Variants in CIMIP5 observed in about 807,000 individuals in gnomAD.
The protein encoded by CIMIP5 is uncharacterized protein C2orf50.
chr2:11,140,126 G>A, the CIMIP5 span, among the ~76,000 whole-genome samples: 59 of 143,736 alleles, frequency 4.1e-4, 1 homozygote, highest in Non-Finnish European at 6.4e-4. Flanking sequence ...GGTGGCTCAC[G>A]CCTGTAATCC....
the CIMIP5 span, among the ~76,000 whole-genome samples, chr2:11,143,438 G>A: frequency 6.6e-6 from 1 of 152,036 alleles, no homozygotes; most frequent in East Asian, 1.9e-4. Flanking sequence ...AAAGGAGGTG[G>A]GGGAGGGGAT....
the CIMIP5 span, among the ~76,000 whole-genome samples, chr2:11,141,632 G>A: frequency 3.3e-5 from 5 of 151,948 alleles, no homozygotes; most frequent in African/African-American, 1.2e-4. Context: ...CGTTATTTTG[G>A]TATTCCATGT....
chr2:11,135,883 C>T, the CIMIP5 span, among the ~76,000 whole-genome samples: 1 of 152,052 alleles, frequency 6.6e-6, no homozygotes, highest in African/African-American at 2.4e-5. Context: ...TGATGAGTGA[C>T]ATTGATCATC....
chr2:11,140,492 C>G, the CIMIP5 span: 1 of 1,538,940 alleles, frequency 6.5e-7, no homozygotes, highest in Non-Finnish European at 8.9e-7. Context: ...ACACAGCCAA[C>G]ATGTTTTTCC....
At chr2:11,150,094 G>A in the CIMIP5 span, among the ~76,000 whole-genome samples, 17 of 149,926 alleles carry the variant, frequency 1.1e-4, no homozygotes, top group South Asian at 4.2e-4. Flanking sequence ...TTACGGGTGC[G>A]TGCCACCATG....
the CIMIP5 span, among the ~76,000 whole-genome samples, chr2:11,149,978 C>T: frequency 6.6e-6 from 1 of 152,208 alleles, no homozygotes; most frequent in African/African-American, 2.4e-5. Flanking sequence ...CGGCGTCTCA[C>T]CCCATTGCCC....
chr2:11,150,179 TC>T, the CIMIP5 span, among the ~76,000 whole-genome samples: 1 of 151,942 alleles, frequency 6.6e-6, no homozygotes, highest in East Asian at 1.9e-4. Context: ...AACCTCGTGA[TC>T]CACTCGCCTC....
chr2:11,148,631 G>GC, the CIMIP5 span, among the ~76,000 whole-genome samples: 26,100 of 151,490 alleles, frequency 0.17, 6,610 homozygotes, highest in African/African-American at 0.56. Flanking sequence ...CCCAGCCAGT[G>GC]CCACAAGCCC....
At chr2:11,139,251 A>T in the CIMIP5 span, among the ~76,000 whole-genome samples, 1 of 152,188 alleles carries the variant, frequency 6.6e-6, no homozygotes, top group Non-Finnish European at 1.5e-5. Flanking sequence ...AGTCTCAGGT[A>T]TTATTTATAG....
At chr2:11,134,031 C>G in the CIMIP5 span, among the ~76,000 whole-genome samples, 19 of 152,014 alleles carry the variant, frequency 1.2e-4, no homozygotes, top group Non-Finnish European at 2.1e-4. Flanking sequence ...ATGGCTCCAC[C>G]GAGCCTTCAT....
At chr2:11,153,460 G>A in the CIMIP5 span, among the ~76,000 whole-genome samples, 1 of 152,232 alleles carries the variant, frequency 6.6e-6, no homozygotes. Flanking sequence ...TGGAATAAAG[G>A]CTGGGGCAGA....
the CIMIP5 span, among the ~76,000 whole-genome samples, chr2:11,153,368 C>G: frequency 7.2e-5 from 11 of 152,204 alleles, no homozygotes; most frequent in Non-Finnish European, 1.2e-4. Flanking sequence ...CCTGCATCCC[C>G]AAGTGCTAGC....
At chr2:11,135,117 G>C in the CIMIP5 span, among the ~76,000 whole-genome samples, 24,800 of 151,996 alleles carry the variant, frequency 0.16, 5,789 homozygotes, top group African/African-American at 0.52. Flanking sequence ...AGGATGGCAC[G>C]AAGCCATTCG....
At chr2:11,139,067 G>C in the CIMIP5 span, among the ~76,000 whole-genome samples, 1 of 151,878 alleles carries the variant, frequency 6.6e-6, no homozygotes, top group Non-Finnish European at 1.5e-5. Context: ...ACAGGCGCCC[G>C]CCACCATGCC....
At chr2:11,142,082 A>C in the CIMIP5 span, among the ~76,000 whole-genome samples, 1 of 152,066 alleles carries the variant, frequency 6.6e-6, no homozygotes, top group Non-Finnish European at 1.5e-5. Context: ...CCTGACCAAC[A>C]TGGAGAAACC....
chr2:11,150,853 C>A, the CIMIP5 span, among the ~76,000 whole-genome samples: 1 of 151,540 alleles, frequency 6.6e-6, no homozygotes, highest in Non-Finnish European at 1.5e-5. Flanking sequence ...CTTTACCCTA[C>A]TCAGGATCAT....
the CIMIP5 span, among the ~76,000 whole-genome samples, chr2:11,150,157 G>A: frequency 6.5e-4 from 98 of 151,724 alleles, no homozygotes; most frequent in African/African-American, 2.3e-3. Flanking sequence ...CATTCTGGCC[G>A]GGCTGGTCTC....
the CIMIP5 span, chr2:11,143,889 C>T: frequency 2.0e-6 from 3 of 1,510,442 alleles, no homozygotes; most frequent in Admixed American, 2.1e-5. Context: ...TTTCCACGCT[C>T]TGTGTGACCC....
chr2:11,140,592 T>C, the CIMIP5 span: 5 of 1,425,874 alleles, frequency 3.5e-6, no homozygotes, highest in South Asian at 6.6e-5. Context: ...TGCAATTGAA[T>C]ATTACTCATT....
Sources: allele counts gnomAD v4.1 joint callset (sites outside exome capture counted in the v4.1 genomes callset), GRCh38; gene constraint gnomAD v4.1.1; transcripts MANE v1.5; gene names NCBI Gene and HGNC (gene_info 2026-07-23, HGNC 2026-07-21).